The following MOGAT2 variants were observed in gnomAD, a reference collection of about 807,000 sequenced individuals.
The protein encoded by MOGAT2 is monoacylglycerol O-acyltransferase 2.
Under a neutral mutation model 31.5 loss-of-function variants are expected in MOGAT2, and 27 were observed. The observed-to-expected ratio is 0.86, with a 90% CI of 0.63 to 1.18. The LOEUF is 1.18. MOGAT2 is among the 50% of genes most tolerant of loss of function. The probability of loss-of-function intolerance (pLI) is 0.00; values close to 1 mark genes in which losing one functional copy is unlikely to be tolerated. For synonymous variants in MOGAT2, 163 were observed against 170.0 expected, an observed-to-expected ratio of 0.96 and a Z score of 0.32; for missense variants, 436 against 433.2, an observed-to-expected ratio of 1.01 and a Z score of -0.06.
Position 75,719,033 on chromosome 11 carries a change from G to C in MOGAT2, c.92-959G>C, listed in dbSNP as rs1255483854. On this transcript the variant is annotated intron_variant, in intron 1 of 5. Transcript: ENST00000198801. Reference sequence around the variant, plus strand: ...TCCTCAGAAACTCCCCCACAATTCTGTAGTGAAAAAACTCCCCCTTGGCAA... The same window carrying C: ...TCCTCAGAAACTCCCCCACAATTCTCTAGTGAAAAAACTCCCCCTTGGCAA... Among the ~76,000 whole-genome samples, 4 of 151,670 alleles carry C rather than the reference G, an allele frequency of 2.6e-5. No homozygotes were observed. In the East Asian group the frequency reaches 7.7e-4, roughly 29 times the overall value.
In MOGAT2 at chr11:75,728,897, T is replaced by G. The variant is rs959390660; in HGVS notation, c.758T>G (p.Ile253Ser). 1.9e-6 allele frequency: 3 copies of G among 1,614,180 alleles called. No individual in the cohort carries two copies. The highest frequency in any genetic ancestry group is 1.7e-5 in the Admixed American group (1 of 60,016). Residue 253 changes from isoleucine (I) to serine (S), a missense_variant, in exon 5 of 6, where the codon ATC becomes AGC. Physicochemically the swap from Ile to Ser is moderately radical, Grantham distance 142. Transcript: ENST00000198801. The stretch of plus-strand genomic sequence containing the variant: ...TATATCCAGAATCGGTTGCAGAAGA[T>G]CATGGGCATCTCCCTCCCACTCTTT... ...LRYIQNRLQK[I>S]MGISLPLFHG...
Position 75,728,038 on chromosome 11 carries a change from G to A in MOGAT2, c.544G>A (p.Gly182Ser), listed in dbSNP as rs1274642239. ...LNRKGGGNLL[G>S]IIVGGAQEAL... The stretch of plus-strand genomic sequence containing the variant: ...CAGGAAGGGTGGCGGAAACTTGCTG[G>A]GCATCATTGTAGGGGGTGCCCAGGA... Residue 182 changes from glycine (G) to serine (S), a missense_variant, in exon 4 of 6, where the codon GGC becomes AGC. By Grantham distance (56) the Gly-to-Ser change is moderately conservative. Transcript: ENST00000198801. 1.9e-6 allele frequency: 3 copies of A among 1,614,000 alleles called. No individual in the cohort carries two copies. The highest frequency in any genetic ancestry group is 2.5e-6 in the Non-Finnish European group (3 of 1,179,950).
In MOGAT2 at chr11:75,731,528, GC is replaced by G. The variant is rs1245387211; in HGVS notation, c.*246del. 4.5e-6 allele frequency: 2 copies of G among 448,740 alleles called. No individual in the cohort carries two copies. The highest frequency in any genetic ancestry group is 7.4e-6 in the Non-Finnish European group (2 of 268,532). The allele number at this position is 448,740 out of a possible 1,614,324, so 27.8% of individuals were successfully genotyped here. On this transcript the variant is annotated 3_prime_UTR_variant, in exon 6 of 6. Transcript: ENST00000198801. ...GCCTCTCTTTGCACATGGACACTGG[GC>G]CCCTCTCTATATTGAGTGGTCTGTT...
In MOGAT2 at chr11:75,727,460, C is replaced by T. The variant is rs1231230945; in HGVS notation, c.296C>T (p.Pro99Leu). Reference protein sequence around the residue: ...ISLVKTAELDPSRNYIAGFHP... With the variant: ...ISLVKTAELDLSRNYIAGFHP... The stretch of plus-strand genomic sequence containing the variant: ...CTGGTCAAGACTGCTGAGCTGGACC[C>T]CTCTCGGAACTACATTGCGGGCTTC... The change falls in exon 3 of 6, where the codon CCC becomes CTC. Residue 99 changes from proline to leucine, a missense_variant. By Grantham distance (98) the Pro-to-Leu change is moderately conservative. Transcript: ENST00000198801. 4 of 1,614,060 alleles carry T rather than the reference C, an allele frequency of 2.5e-6. No individual in the cohort carries two copies. Among genetic ancestry groups the T allele is most frequent in the Non-Finnish European group, 3.4e-6 (4 of 1,179,984 alleles).
chr11:75,720,170 G>C lies in MOGAT2; in HGVS notation c.270G>C (p.Ser90=). 6.2e-7 allele frequency: 1 copy of C among 1,611,262 alleles called. No homozygotes were observed. Among genetic ancestry groups the C allele is most frequent in the Non-Finnish European group, 8.5e-7 (1 of 1,178,272 alleles). Residue 90 remains serine (S), a splice_region_variant and synonymous_variant, in exon 2 of 6, where the codon TCG becomes TCC. Coordinates refer to ENST00000198801, the MANE Select transcript of MOGAT2 (RefSeq NM_025098.4). ...WKYMKDYFPI[S]LVKTAELDPS... ...ACATGAAGGACTATTTCCCCATCTC[G>C]GTGAGTATTGAGGCTGGTTGGGGTT...
chr11:75,729,781 G>A (rs1245251348), intron 5 of MOGAT2, among the ~76,000 whole-genome samples: 2 of 121,244 alleles, frequency 1.6e-5, no homozygotes, highest in Non-Finnish European at 1.6e-5. Flanking sequence ...GTCCTGCTCT[G>A]TTGCCCAGGC....
chr11:75,718,069 GC>G, intron 1 of MOGAT2, 90 bp downstream of exon 1: 5 of 1,269,106 alleles, frequency 3.9e-6, no homozygotes, highest in Non-Finnish European at 5.7e-6. Flanking sequence ...ATTGATGGTG[GC>G]AAGACATTTA....
At chr11:75,730,238 G>A (rs1944463166) in intron 5 of MOGAT2, among the ~76,000 whole-genome samples, 2 of 152,180 alleles carry the variant, frequency 1.3e-5, no homozygotes, top group South Asian at 4.1e-4. Flanking sequence ...TTCCCAGCCA[G>A]GCAGAACCAG....
In MOGAT2 at chr11:75,728,893, A is replaced by G; in HGVS notation, c.754A>G (p.Lys252Glu). 1.9e-6 allele frequency: 3 copies of G among 1,614,110 alleles called. No individual in the cohort carries two copies. Among genetic ancestry groups the G allele is most frequent in the Non-Finnish European group, 2.5e-6 (3 of 1,180,008 alleles). The change falls in exon 5 of 6, where the codon AAG becomes GAG. Residue 252 changes from lysine to glutamate, a missense_variant. Coordinates refer to ENST00000198801, the MANE Select transcript of MOGAT2 (RefSeq NM_025098.4). ...WLRYIQNRLQKIMGISLPLFH... is the reference protein window; with the variant it reads ...WLRYIQNRLQEIMGISLPLFH... Reference sequence around the variant, plus strand: ...ACGCTATATCCAGAATCGGTTGCAGAAGATCATGGGCATCTCCCTCCCACT... The same window carrying G: ...ACGCTATATCCAGAATCGGTTGCAGGAGATCATGGGCATCTCCCTCCCACT...
rs1306965153 is a variant in MOGAT2, at chr11:75,731,303, C to T, written c.*17C>T. On this transcript the variant is annotated 3_prime_UTR_variant, in exon 6 of 6. Coordinates refer to ENST00000198801, the MANE Select transcript of MOGAT2 (RefSeq NM_025098.4). ...TTCTGCTGAGCCCAAAGGGCAGGGC[C>T]AACATTAGGGAGCCCAGCAGGAGGT... 2 of 1,612,344 alleles carry T rather than the reference C, an allele frequency of 1.2e-6. No individual in the cohort carries two copies. The highest frequency in any genetic ancestry group is 2.2e-5 in the East Asian group (1 of 44,834).
chr11:75,726,411 C>T (rs919122949), intron 2 of MOGAT2, among the ~76,000 whole-genome samples: 4 of 152,100 alleles, frequency 2.6e-5, no homozygotes, highest in East Asian at 1.9e-4. Flanking sequence ...GACTGGTTCC[C>T]GGACCCCCGC....
chr11:75,726,369 T>G (rs1379127061), intron 2 of MOGAT2, among the ~76,000 whole-genome samples: 1 of 152,162 alleles, frequency 6.6e-6, no homozygotes, highest in Non-Finnish European at 1.5e-5. Context: ...ACATCTGAAG[T>G]GCCAATTTTT....
At chr11:75,727,707 G>A in intron 3 of MOGAT2, 68 bp downstream of exon 3, 2 of 1,464,790 alleles carry the variant, frequency 1.4e-6, no homozygotes, top group East Asian at 4.6e-5. Flanking sequence ...CAATAGTTCT[G>A]TACTTCTTCC....
intron 2 of MOGAT2, among the ~76,000 whole-genome samples, chr11:75,724,254 C>T (rs1248838604): frequency 6.6e-6 from 1 of 152,240 alleles, no homozygotes; most frequent in Non-Finnish European, 1.5e-5. Context: ...ATGCTATACC[C>T]TTTCCAGAGC....
At chr11:75,722,833 T>G (rs774583266) in intron 2 of MOGAT2, among the ~76,000 whole-genome samples, 1 of 152,250 alleles carries the variant, frequency 6.6e-6, no homozygotes, top group Non-Finnish European at 1.5e-5. Flanking sequence ...CGTCCGTCCT[T>G]CCTGCTCCTT....
In MOGAT2 at chr11:75,731,302, C is replaced by G; in HGVS notation, c.*16C>G. ...GTTCTGCTGAGCCCAAAGGGCAGGGCCAACATTAGGGAGCCCAGCAGGAGG... is the reference window on the plus strand; with the variant it reads ...GTTCTGCTGAGCCCAAAGGGCAGGGGCAACATTAGGGAGCCCAGCAGGAGG... On this transcript the variant is annotated 3_prime_UTR_variant, in exon 6 of 6. Transcript: ENST00000198801. 3 of 1,612,526 alleles carry G rather than the reference C, an allele frequency of 1.9e-6. No homozygotes were observed. The highest frequency in any genetic ancestry group is 2.5e-6 in the Non-Finnish European group (3 of 1,179,180).
In MOGAT2 at chr11:75,731,391, C is replaced by A; in HGVS notation, c.*105C>A. On this transcript the variant is annotated 3_prime_UTR_variant, in exon 6 of 6. Coordinates refer to ENST00000198801, the MANE Select transcript of MOGAT2 (RefSeq NM_025098.4). ...CATATCTGCAGAGCCTTCCCAGACTCCTGCAAATCCAACCCATATCAGGCT... is the reference window on the plus strand; with the variant it reads ...CATATCTGCAGAGCCTTCCCAGACTACTGCAAATCCAACCCATATCAGGCT... 7.7e-7 allele frequency: 1 copy of A among 1,303,018 alleles called. No individual in the cohort carries two copies. Among genetic ancestry groups the A allele is most frequent in the South Asian group, 1.4e-5 (1 of 70,214 alleles). The allele number at this position is 1,303,018 out of a possible 1,614,324, so 80.7% of individuals were successfully genotyped here.
intron 2 of MOGAT2, among the ~76,000 whole-genome samples, chr11:75,722,865 G>A (rs2135732806): frequency 6.6e-6 from 1 of 152,378 alleles, no homozygotes; most frequent in Middle Eastern, 3.4e-3. Flanking sequence ...TGGCTTTTGA[G>A]GAGGATATCT....
At chr11:75,721,056 T>A (rs1045785837) in intron 2 of MOGAT2, among the ~76,000 whole-genome samples, 1 of 152,018 alleles carries the variant, frequency 6.6e-6, no homozygotes, top group Non-Finnish European at 1.5e-5. Context: ...GCAGGGGCAG[T>A]TGGCCCTCCT....
Sources: allele counts gnomAD v4.1 joint callset (sites outside exome capture counted in the v4.1 genomes callset), GRCh38; gene constraint gnomAD v4.1.1; transcripts MANE v1.5; gene names NCBI Gene and HGNC (gene_info 2026-07-23, HGNC 2026-07-21).